Variants in SERHL2 observed in about 807,000 individuals in gnomAD.
SERHL2 encodes the protein serine hydrolase like 2.
Under a neutral mutation model 25.5 loss-of-function variants are expected in SERHL2, and 29 were observed. The observed-to-expected ratio is 1.14, with a 90% CI of 0.85 to 1.55. SERHL2 has a LOEUF of 1.55. Ranked by LOEUF, SERHL2 falls within the 40% of genes most tolerant of loss-of-function variation. The probability of loss-of-function intolerance (pLI) is 0.00; values close to 1 mark genes in which losing one functional copy is unlikely to be tolerated. For synonymous variants in SERHL2, 95 were observed against 103.5 expected, an observed-to-expected ratio of 0.92 and a Z score of 0.50; for missense variants, 240 against 252.3, an observed-to-expected ratio of 0.95 and a Z score of 0.33.
At chr22:42,566,267 A>C in intron 8 of SERHL2, 37 bp from the exon 9 acceptor site, 2 of 1,604,676 alleles carry the variant, frequency 1.2e-6, no homozygotes, top group Non-Finnish European at 1.7e-6. Context: ...CCTGATGGAC[A>C]GCATTGACGC....
intron 9 of SERHL2, among the ~76,000 whole-genome samples, chr22:42,566,904 G>T (rs1430636149): frequency 1.3e-5 from 2 of 152,248 alleles, no homozygotes; most frequent in Non-Finnish European, 2.9e-5. Context: ...AGGACCTTGG[G>T]CAAGGTGCTT....
At chr22:42,559,665 AC>A (rs555421228) in intron 7 of SERHL2, among the ~76,000 whole-genome samples, 30 of 151,290 alleles carry the variant, frequency 2.0e-4, no homozygotes, top group African/African-American at 7.0e-4. Flanking sequence ...CTTGCAGTGA[AC>A]CCAGATTGCG....
rs942394855 is a variant in SERHL2 at position 42,563,456 on chromosome 22, G to A, written c.614-2848G>A. On this transcript the variant is annotated intron_variant, in intron 8 of 11. Transcript: ENST00000327678. ...TGAACTCAAGCGATCCTACTGACTC[G>A]ACCTCCCAAAATGGTAGGATTACAG... 20 of 442,498 alleles carry A rather than the reference G, an allele frequency of 4.5e-5. No homozygotes were observed. The East Asian group carries it at 9.7e-4, about 21-fold the overall frequency. The allele number at this position is 442,498 out of a possible 1,614,324, so 27.4% of individuals were successfully genotyped here. A position where few individuals can be genotyped will look rare whatever the true frequency, so the allele number is the denominator to read the frequency against.
intron 8 of SERHL2, among the ~76,000 whole-genome samples, chr22:42,562,301 C>A (rs932823469): frequency 5.3e-5 from 8 of 151,850 alleles, no homozygotes; most frequent in African/African-American, 1.9e-4. Context: ...CCCTTCCCTG[C>A]CCCCATCATC....
At chr22:42,562,351 G>A (rs1220564261) in intron 8 of SERHL2, among the ~76,000 whole-genome samples, 1 of 151,822 alleles carries the variant, frequency 6.6e-6, no homozygotes, top group Non-Finnish European at 1.5e-5. Context: ...AAACAACCAA[G>A]ACACATTCCC....
chr22:42,568,414 T>C (rs1923704620), intron 9 of SERHL2, among the ~76,000 whole-genome samples: 1 of 151,620 alleles, frequency 6.6e-6, no homozygotes, highest in South Asian at 2.1e-4. Flanking sequence ...GTCCCTTGTG[T>C]GTGCTGACCT....
intron 9 of SERHL2, among the ~76,000 whole-genome samples, chr22:42,566,729 G>A (rs972776806): frequency 2.0e-5 from 3 of 152,036 alleles, no homozygotes; most frequent in Admixed American, 1.3e-4. Flanking sequence ...AAGTCAGCTC[G>A]GTGCATCTGT....
In SERHL2 at chr22:42,574,287, T is replaced by C. The variant is rs1924693674; in HGVS notation, c.*232T>C. On this transcript the variant is annotated 3_prime_UTR_variant, in exon 12 of 12. Coordinates refer to ENST00000327678, the MANE Select transcript of SERHL2 (RefSeq NM_014509.5). ...CTGCTTTCTCCTGGCTAATAATAAATATCCAGCCAGCTGGAGGAAGGAAGG... is the reference window on the plus strand; with the variant it reads ...CTGCTTTCTCCTGGCTAATAATAAACATCCAGCCAGCTGGAGGAAGGAAGG... The C allele has an allele frequency of 1.8e-6, 1 of 545,752 alleles. No individual in the cohort carries two copies. The highest frequency in any genetic ancestry group is 3.2e-6 in the Non-Finnish European group (1 of 309,632). 33.8% of individuals were successfully genotyped at this position (545,752 alleles called of 1,614,324 possible).
chr22:42,554,047 G>C lies in SERHL2; in HGVS notation c.22+5G>C. The C allele has an allele frequency of 6.2e-7, 1 of 1,613,482 alleles. No individual in the cohort carries two copies. Among genetic ancestry groups the C allele is most frequent in the East Asian group, 2.2e-5 (1 of 44,854 alleles). On this transcript the variant is annotated splice_donor_5th_base_variant and intron_variant, in intron 1 of 11. Transcript: ENST00000327678. ...TGAGTGAGAACGCCGCACCAGGTCT[G>C]ACGGGGAGGCCTTGTGCGAGCGTCC... is the stretch of plus-strand genomic sequence containing the variant.
At position 42,560,276 on chromosome 22, in the gene SERHL2, C is replaced by G. The variant is rs1425650500; in HGVS notation, c.613+11C>G. Reference sequence around the variant, plus strand: ...CGAAGGTGGCCACAGGTAAGGGACTCTACTGTCCAAGGCCATTTTATATTT... The same window carrying G: ...CGAAGGTGGCCACAGGTAAGGGACTGTACTGTCCAAGGCCATTTTATATTT... On this transcript the variant is annotated intron_variant, in intron 8 of 11. Transcript: ENST00000327678. 1 of 1,592,326 alleles carries G rather than the reference C, an allele frequency of 6.3e-7. No individual in the cohort carries two copies. The highest frequency in any genetic ancestry group is 8.6e-7 in the Non-Finnish European group (1 of 1,160,204).
chr22:42,574,111 G>A lies in SERHL2; in HGVS notation c.*56G>A. The A allele has an allele frequency of 3.3e-6, 5 of 1,516,132 alleles. No individual in the cohort carries two copies. Among genetic ancestry groups the A allele is most frequent in the Non-Finnish European group, 3.6e-6 (4 of 1,096,452 alleles). The allele number at this position is 1,516,132 out of a possible 1,614,324, so 93.9% of individuals were successfully genotyped here. A position where few individuals can be genotyped will look rare whatever the true frequency, so the allele number is the denominator to read the frequency against. ...CTCCCAGACTCAACACTGGGACTCT[G>A]AGTTCCTGAGCCCCACAACAAGGCC... is the stretch of plus-strand genomic sequence containing the variant. On this transcript the variant is annotated 3_prime_UTR_variant, in exon 12 of 12. Coordinates refer to ENST00000327678, the MANE Select transcript of SERHL2 (RefSeq NM_014509.5).
At chr22:42,568,346 A>AGAGCTAGTTATTC (rs1556001280) in intron 9 of SERHL2, among the ~76,000 whole-genome samples, 1 of 141,868 alleles carries the variant, frequency 7.0e-6, no homozygotes, top group African/African-American at 2.7e-5. Context: ...TTCTAGATGA[A>AGAGCTAGTTATTC]CAATACCAGC....
In SERHL2 at chr22:42,573,713, C is replaced by T. The variant is rs1447607402; in HGVS notation, c.826-223C>T. The T allele has an allele frequency of 6.8e-6, 4 of 592,566 alleles. No individual in the cohort carries two copies. The East Asian group carries it at 1.2e-4, about 18-fold the overall frequency. The allele number at this position is 592,566 out of a possible 1,614,324, so 36.7% of individuals were successfully genotyped here. A position where few individuals can be genotyped will look rare whatever the true frequency, so the allele number is the denominator to read the frequency against. ...CCATGCAACTTCACAACTCAGCTGG[C>T]CTAGACCCCTGGGAGGCCTCCAAGT... On this transcript the variant is annotated intron_variant, in intron 11 of 11. Coordinates refer to ENST00000327678, the MANE Select transcript of SERHL2 (RefSeq NM_014509.5).
chr22:42,572,104 T>TAC (rs1924307982), intron 10 of SERHL2, among the ~76,000 whole-genome samples: 1 of 152,062 alleles, frequency 6.6e-6, no homozygotes, highest in South Asian at 2.1e-4. Flanking sequence ...TGTGAAGACA[T>TAC]AAATTCTCTC....
At chr22:42,572,799 G>A in intron 11 of SERHL2, 1 of 786,514 alleles carries the variant, frequency 1.3e-6, no homozygotes, top group Non-Finnish European at 1.5e-6. Context: ...TGAGTAGCTG[G>A]GATTACAGGC....
chr22:42,556,502 G>C lies in SERHL2; in HGVS notation c.349-12G>C. 6.2e-7 allele frequency: 1 copy of C among 1,613,310 alleles called. No homozygotes were observed. Among genetic ancestry groups the C allele is most frequent in the Non-Finnish European group, 8.5e-7 (1 of 1,179,464 alleles). ...TCCCCCTATTCATTCTCCCCTTTTG[G>C]CATCCTCACAGTTTTTCTGTACCTT... is the stretch of plus-strand genomic sequence containing the variant. On this transcript the variant is annotated splice_polypyrimidine_tract_variant and intron_variant, in intron 5 of 11. Coordinates refer to ENST00000327678, the MANE Select transcript of SERHL2 (RefSeq NM_014509.5).
chr22:42,571,493 T>C, intron 10 of SERHL2: 1 of 1,237,532 alleles, frequency 8.1e-7, no homozygotes, highest in South Asian at 2.3e-5. Context: ...GAGCCCAGTC[T>C]CGGCTGACTG....
chr22:42,569,321 C>G (rs781240857), intron 9 of SERHL2: 6 of 151,332 alleles, frequency 4.0e-5, no homozygotes, highest in African/African-American at 1.5e-4. Flanking sequence ...TGCGGTGGCC[C>G]GAGTTTGGCT....
chr22:42,567,795 A>G (rs528720197), intron 9 of SERHL2, among the ~76,000 whole-genome samples: 6 of 151,838 alleles, frequency 4.0e-5, no homozygotes, highest in African/African-American at 1.4e-4. Context: ...CAATGGCACT[A>G]TCTCAGCTCA....
Sources: allele counts gnomAD v4.1 joint callset (sites outside exome capture counted in the v4.1 genomes callset), GRCh38; gene constraint gnomAD v4.1.1; transcripts MANE v1.5; gene names NCBI Gene and HGNC (gene_info 2026-07-23, HGNC 2026-07-21).